The following RAD54L2 variants were observed in gnomAD, a reference collection of about 807,000 sequenced individuals.
RAD54L2 encodes the protein RAD54 like 2.
RAD54L2 carries 27 observed loss-of-function variants against 138.4 expected under a neutral mutation model. That is an observed-to-expected ratio of 0.20 (90% confidence interval 0.14 to 0.27). The LOEUF (loss-of-function observed/expected upper bound fraction) is 0.27. Ranked by LOEUF, RAD54L2 falls within the 10% of genes least tolerant of loss-of-function variation. The pLI is 1.00. For missense variants in RAD54L2, 1,396 were observed against 1,890.2 expected (o/e 0.74, Z 4.85); for synonymous variants, 644 against 723.2 (o/e 0.89, Z 1.76).
At position 51,666,644 on chromosome 3, in the gene RAD54L2, T is replaced by G. The variant is rs1278288617; in HGVS notation, c.*3224T>G. 2.0e-5 allele frequency: 3 copies of G among 152,226 alleles called. No individual in the cohort carries two copies. Among genetic ancestry groups the G allele is most frequent in the Non-Finnish European group, 4.4e-5 (3 of 68,028 alleles). The allele number at this position is 152,226 out of a possible 1,614,324, so 9.4% of individuals were successfully genotyped here. On this transcript the variant is annotated 3_prime_UTR_variant, in exon 23 of 23. Transcript: ENST00000684192. ...AGATAAAAATTGAACAGGGACAAAGTAGCTATTTAAGAAAGGAAGTGAACC... is the reference window on the plus strand; with the variant it reads ...AGATAAAAATTGAACAGGGACAAAGGAGCTATTTAAGAAAGGAAGTGAACC...
intron 9 of RAD54L2, among the ~76,000 whole-genome samples, chr3:51,634,347 T>C (rs1366197113): frequency 2.6e-5 from 4 of 151,078 alleles, no homozygotes; most frequent in Non-Finnish European, 5.9e-5. Context: ...AATGGATCTT[T>C]CCACTGTCTG....
In RAD54L2 at chr3:51,663,069, C is replaced by A; in HGVS notation, c.4053C>A (p.Gly1351=). 2 of 1,613,988 alleles carry A rather than the reference C, an allele frequency of 1.2e-6. No homozygotes were observed. Among genetic ancestry groups the A allele is most frequent in the Non-Finnish European group, 1.7e-6 (2 of 1,179,880 alleles). The change falls in exon 23 of 23, where the codon GGC becomes GGA. Residue 1351 remains glycine, a synonymous_variant. Coordinates refer to ENST00000684192, the MANE Select transcript of RAD54L2 (RefSeq NM_015106.4). ...CTACTGACCCTCTGGTGCCAGCAGG[C>A]CCCGTCAGTTCCTCTTCCACGGCTA... ...PVTTDPLVPA[G]PVSSSSTATS...
intron 2 of RAD54L2, among the ~76,000 whole-genome samples, chr3:51,579,330 G>A (rs1450063222): frequency 1.3e-5 from 2 of 152,132 alleles, no homozygotes; most frequent in South Asian, 2.1e-4. Context: ...AAACATTTGA[G>A]TGGGAAAACA....
chr3:51,621,915 G>A (rs1577432026), intron 3 of RAD54L2, among the ~76,000 whole-genome samples: 1 of 152,200 alleles, frequency 6.6e-6, no homozygotes, highest in African/African-American at 2.4e-5. Context: ...TGGGGAGTCT[G>A]CTGCCCAGCC....
In RAD54L2 at chr3:51,666,174, C is replaced by CTTTTTTTTTTTTT. The variant is rs1169939947; in HGVS notation, c.*2777_*2789dup. On this transcript the variant is annotated 3_prime_UTR_variant, in exon 23 of 23. Coordinates refer to ENST00000684192, the MANE Select transcript of RAD54L2 (RefSeq NM_015106.4). ...AGTGCTACCAGGTCCATGGTTTTTG[C>CTTTTTTTTTTTTT]TTTTTTTTTTTTTTTTTTTTTTTTT... 13 of 58,708 alleles carry CTTTTTTTTTTTTT rather than the reference C, an allele frequency of 2.2e-4. 2 individuals are homozygous for CTTTTTTTTTTTTT. Among genetic ancestry groups the CTTTTTTTTTTTTT allele is most frequent in the Admixed American group, 6.1e-4 (2 of 3,260 alleles). 3.6% of individuals were successfully genotyped at this position (58,708 alleles called of 1,614,324 possible).
intron 2 of RAD54L2, among the ~76,000 whole-genome samples, chr3:51,564,168 GCTT>G (rs1462628069): frequency 6.6e-6 from 1 of 152,170 alleles, no homozygotes; most frequent in Non-Finnish European, 1.5e-5. Flanking sequence ...CTCAGGCCAG[GCTT>G]CTTTTCTATT....
intron 3 of RAD54L2, among the ~76,000 whole-genome samples, chr3:51,608,419 CG>C (rs1159926097): frequency 1.3e-5 from 2 of 152,014 alleles, no homozygotes; most frequent in African/African-American, 4.8e-5. Flanking sequence ...ACTTCCTAGA[CG>C]GGGTGGCGGC....
intron 4 of RAD54L2, among the ~76,000 whole-genome samples, chr3:51,628,474 C>T (rs1700746036): frequency 6.6e-6 from 1 of 151,554 alleles, no homozygotes; most frequent in Admixed American, 6.6e-5. Flanking sequence ...CACTGTACCC[C>T]CACCTCCCGT....
At chr3:51,561,327 C>A (rs1699091945) in intron 2 of RAD54L2, among the ~76,000 whole-genome samples, 1 of 152,182 alleles carries the variant, frequency 6.6e-6, no homozygotes, top group Non-Finnish European at 1.5e-5. Context: ...TTCATTGCAA[C>A]CTCCACCTCC....
chr3:51,614,461 T>A (rs1700400679), intron 3 of RAD54L2, among the ~76,000 whole-genome samples: 1 of 151,928 alleles, frequency 6.6e-6, no homozygotes, highest in African/African-American at 2.4e-5. Context: ...ACCCCACACC[T>A]GGCTTAGGTT....
intron 3 of RAD54L2, among the ~76,000 whole-genome samples, chr3:51,618,134 A>AT (rs58259844): frequency 0.026 from 2,945 of 112,134 alleles, 42 homozygotes; most frequent in Non-Finnish European, 0.042. Context: ...AATATTTTGT[A>AT]TTTTTTTTTT....
chr3:51,547,754 G>C (rs1323628274), intron 2 of RAD54L2, among the ~76,000 whole-genome samples: 1 of 151,814 alleles, frequency 6.6e-6, no homozygotes, highest in Non-Finnish European at 1.5e-5. Context: ...GCTAATTTTT[G>C]TATTTTTTGG....
At chr3:51,583,884 A>G (rs191134374) in intron 2 of RAD54L2, among the ~76,000 whole-genome samples, 32 of 149,120 alleles carry the variant, frequency 2.1e-4, no homozygotes, top group Non-Finnish European at 1.9e-4. Flanking sequence ...CTCTTGAGCC[A>G]TGGTGGGCTC....
At chr3:51,543,608 CAAA>C (rs1169502388) in intron 2 of RAD54L2, among the ~76,000 whole-genome samples, 4 of 60,456 alleles carry the variant, frequency 6.6e-5, no homozygotes, top group Admixed American at 6.0e-4. Flanking sequence ...AACTCCATCT[CAAA>C]AAAAAAAAAA....
intron 2 of RAD54L2, among the ~76,000 whole-genome samples, chr3:51,545,385 T>C (rs941458732): frequency 6.6e-6 from 1 of 151,726 alleles, no homozygotes; most frequent in Non-Finnish European, 1.5e-5. Flanking sequence ...AGAGTCAGGG[T>C]TTTACCATGT....
chr3:51,567,735 A>G (rs1428129535), intron 2 of RAD54L2, among the ~76,000 whole-genome samples: 1 of 152,038 alleles, frequency 6.6e-6, no homozygotes, highest in African/African-American at 2.4e-5. Flanking sequence ...ATTTACTGTA[A>G]AGAGTAAACT....
At chr3:51,654,154 TCTC>T (rs1026920718) in intron 19 of RAD54L2, among the ~76,000 whole-genome samples, 10 of 151,924 alleles carry the variant, frequency 6.6e-5, no homozygotes, top group Non-Finnish European at 1.5e-5. Flanking sequence ...TTCAAGCAGT[TCTC>T]CTCCCCTAGC....
intron 2 of RAD54L2, among the ~76,000 whole-genome samples, chr3:51,545,432 C>T (rs1553672067): frequency 2.6e-5 from 4 of 151,746 alleles, no homozygotes; most frequent in Non-Finnish European, 5.9e-5. Flanking sequence ...CCTTGTGATC[C>T]ACCTGCCTCT....
rs375266084 is a variant in RAD54L2 at position 51,638,118 on chromosome 3, C to T, written c.1683-26C>T. On this transcript the variant is annotated intron_variant, in intron 11 of 22. Coordinates refer to ENST00000684192, the MANE Select transcript of RAD54L2 (RefSeq NM_015106.4). The surrounding 1 kb of genome is among the most constrained non-coding windows in gnomAD (Gnocchi z 4.3). ...ACCCCTCCTGGCCACACTACCTTGC[C>T]GTTTCTGTTCTGTTTGCCTCCATAG... 2.1e-5 allele frequency: 34 copies of T among 1,610,576 alleles called. No individual in the cohort carries two copies. Among genetic ancestry groups the T allele is most frequent in the Non-Finnish European group, 2.7e-5 (32 of 1,177,436 alleles).
Sources: allele counts gnomAD v4.1 joint callset (sites outside exome capture counted in the v4.1 genomes callset), GRCh38; gene constraint gnomAD v4.1.1; non-coding constraint Gnocchi (gnomAD v3.1); transcripts MANE v1.5; gene names NCBI Gene and HGNC (gene_info 2026-07-23, HGNC 2026-07-21).